The following FIGNL2 variants were observed in gnomAD, a reference collection of about 807,000 sequenced individuals.
FIGNL2 encodes fidgetin like 2, also known as fidgetin-like protein 2.
For synonymous variants in FIGNL2, 565 were observed against 484.0 expected, an observed-to-expected ratio of 1.17 and a Z score of -2.20; for missense variants, 1,060 against 950.2, an observed-to-expected ratio of 1.12 and a Z score of -1.52.
At chr12:51,827,388 T>C (rs1939366824) in intron 1 of FIGNL2, among the ~76,000 whole-genome samples, 1 of 151,766 alleles carries the variant, frequency 6.6e-6, no homozygotes, top group Admixed American at 6.6e-5. Context: ...CCATTTCTAT[T>C]TGTTTTTTTT....
At position 51,821,955 on chromosome 12, in the gene FIGNL2, C is replaced by G. The variant is rs1445295340; in HGVS notation, c.459G>C (p.Ser153=). The change falls in exon 2 of 2, where the codon TCG becomes TCC. Residue 153 remains serine (S), a synonymous_variant. Coordinates refer to ENST00000618634, the MANE Select transcript of FIGNL2 (RefSeq NM_001384995.1). ...AGCCGGCCGCGTACTCGGGCGCCGCCGATGGGCCCCCGCACGCATTGCCGG... is the reference window on the plus strand; with the variant it reads ...AGCCGGCCGCGTACTCGGGCGCCGCGGATGGGCCCCCGCACGCATTGCCGG... ...LYAGNACGGP[S]AAPEYAAGYG... 6.5e-7 allele frequency: 1 copy of G among 1,532,010 alleles called. No homozygotes were observed. Among genetic ancestry groups the G allele is most frequent in the East Asian group, 2.5e-5 (1 of 39,788 alleles). The allele number at this position is 1,532,010 out of a possible 1,614,324, so 94.9% of individuals were successfully genotyped here.
At chr12:51,830,804 C>A (rs1276020681) in intron 1 of FIGNL2, among the ~76,000 whole-genome samples, 1 of 151,328 alleles carries the variant, frequency 6.6e-6, no homozygotes, top group Non-Finnish European at 1.5e-5. Flanking sequence ...CTCTTTTTTT[C>A]TTGAGACAGA....
At chr12:51,839,106 G>A (rs1269464312) in intron 1 of FIGNL2, among the ~76,000 whole-genome samples, 1 of 128,486 alleles carries the variant, frequency 7.8e-6, no homozygotes, top group Non-Finnish European at 1.6e-5. Context: ...TGCCAGGCAA[G>A]TCTCATACTC....
rs1190983636 is a variant in FIGNL2, at chr12:51,834,018, C to CGGAT, written c.-11-11598_-11-11595dup. 4.8e-3 allele frequency among the ~76,000 whole-genome samples: 485 copies of CGGAT among 100,130 alleles called. 8 individuals are homozygous for CGGAT. The highest frequency in any genetic ancestry group is 0.015 in the African/African-American group (445 of 29,458). 65.7% of individuals were successfully genotyped at this position (100,130 alleles called of 152,430 possible). A position where few individuals can be genotyped will look rare whatever the true frequency, so the allele number is the denominator to read the frequency against. Reference sequence around the variant, plus strand: ...ATGGATGAATGGACAGACAAATGGACGGATGGATGGATGGATGGATGGATG... The same window carrying CGGAT: ...ATGGATGAATGGACAGACAAATGGACGGATGGATGGATGGATGGATGGATGGATG... On this transcript the variant is annotated intron_variant, in intron 1 of 1. Coordinates refer to ENST00000618634, the MANE Select transcript of FIGNL2 (RefSeq NM_001384995.1).
chr12:51,825,515 C>T (rs1392037636), intron 1 of FIGNL2, among the ~76,000 whole-genome samples: 1 of 152,208 alleles, frequency 6.6e-6, no homozygotes, highest in Admixed American at 6.5e-5. Flanking sequence ...AAGCCACCTC[C>T]AGTCCTCCAC....
chr12:51,845,470 C>A (rs1050731728), intron 1 of FIGNL2: 133 of 982,092 alleles, frequency 1.4e-4, no homozygotes, highest in Non-Finnish European at 1.5e-4. Context: ...GCCCCCCCCC[C>A]ACAGTCTCTG....
At chr12:51,847,592 G>C (rs957341042) in intron 1 of FIGNL2, 2 of 985,150 alleles carry the variant, frequency 2.0e-6, no homozygotes, top group African/African-American at 1.7e-5. Flanking sequence ...CCTGCGCTCC[G>C]GGCCGCCGCT....
intron 1 of FIGNL2, chr12:51,845,778 G>T (rs896205787): frequency 8.7e-6 from 4 of 460,030 alleles, no homozygotes; most frequent in African/African-American, 6.4e-5. Flanking sequence ...CGGAGCTTGG[G>T]GGGAGAGTCG....
chr12:51,832,268 T>C (rs1592191391), intron 1 of FIGNL2, among the ~76,000 whole-genome samples: 1 of 152,048 alleles, frequency 6.6e-6, no homozygotes, highest in Admixed American at 6.6e-5. Context: ...CCACCTGCCT[T>C]AGCCTCCCAA....
intron 1 of FIGNL2, among the ~76,000 whole-genome samples, chr12:51,830,416 C>T (rs528475280): frequency 1.7e-4 from 25 of 151,390 alleles, no homozygotes; most frequent in African/African-American, 3.9e-4. Flanking sequence ...GTACATATTT[C>T]GAAACACCAT....
chr12:51,821,915 G>T lies in FIGNL2; in HGVS notation c.499C>A (p.Leu167Met). The change falls in exon 2 of 2, where the codon CTG (leucine) becomes ATG (methionine). Residue 167 changes from leucine to methionine, a missense_variant. By Grantham distance (15) the Leu-to-Met change is conservative. Coordinates refer to ENST00000618634, the MANE Select transcript of FIGNL2 (RefSeq NM_001384995.1). ...GTCTGCGCGCAGTAACCCGGCGCCAGGTACCCCCCGCCGTAGCCGGCCGCG... is the reference window on the plus strand; with the variant it reads ...GTCTGCGCGCAGTAACCCGGCGCCATGTACCCCCCGCCGTAGCCGGCCGCG... ...EYAAGYGGGY[L>M]APGYCAQTGA... 2 of 1,485,194 alleles carry T rather than the reference G, an allele frequency of 1.3e-6. No individual in the cohort carries two copies. Among genetic ancestry groups the T allele is most frequent in the Non-Finnish European group, 1.8e-6 (2 of 1,121,460 alleles). 92.0% of individuals were successfully genotyped at this position (1,485,194 alleles called of 1,614,324 possible).
Position 51,822,094 on chromosome 12 carries a change from G to T in FIGNL2, c.320C>A (p.Pro107His). ...EPWPGPEPPY[P>H]LASLHEGLPG... Reference sequence around the variant, plus strand: ...GAGGCCTTCGTGGAGTGAGGCCAAGGGGTAGGGTGGCTCCGGCCCTGGCCA... The same window carrying T: ...GAGGCCTTCGTGGAGTGAGGCCAAGTGGTAGGGTGGCTCCGGCCCTGGCCA... Residue 107 changes from proline to histidine, a missense_variant, in exon 2 of 2, where the codon CCC becomes CAC. Pro to His is a moderately conservative substitution (Grantham distance 77, BLOSUM62 -2). Coordinates refer to ENST00000618634, the MANE Select transcript of FIGNL2 (RefSeq NM_001384995.1). 1 of 1,611,446 alleles carries T rather than the reference G, an allele frequency of 6.2e-7. No homozygotes were observed. Among genetic ancestry groups the T allele is most frequent in the Non-Finnish European group, 8.5e-7 (1 of 1,178,926 alleles).
chr12:51,829,857 AAAG>A (rs1939419165), intron 1 of FIGNL2, among the ~76,000 whole-genome samples: 1 of 152,122 alleles, frequency 6.6e-6, no homozygotes, highest in South Asian at 2.1e-4. Context: ...GAAAGGAAAA[AAAG>A]GAATGAAAGA....
rs932147076 is a variant in FIGNL2 at position 51,845,469 on chromosome 12, C to T, written c.-12+3071G>A. On this transcript the variant is annotated intron_variant, in intron 1 of 1. Transcript: ENST00000618634. ...CCTCTTGTGGCTCACCGCCCCCCCC[C>T]CACAGTCTCTGTCCCCTGAAGGGGG... 29 of 985,392 alleles carry T rather than the reference C, an allele frequency of 2.9e-5. No homozygotes were observed. In the African/African-American group the frequency reaches 4.4e-4, roughly 15 times the overall value. 61.0% of individuals were successfully genotyped at this position (985,392 alleles called of 1,614,324 possible). A position where few individuals can be genotyped will look rare whatever the true frequency, so the allele number is the denominator to read the frequency against.
rs1243528593 is a variant in FIGNL2, at chr12:51,820,137, G to A, written c.*315C>T. 5 of 376,570 alleles carry A rather than the reference G, an allele frequency of 1.3e-5. No individual in the cohort carries two copies. The highest frequency in any genetic ancestry group is 6.6e-5 in the African/African-American group (3 of 45,752). 23.3% of individuals were successfully genotyped at this position (376,570 alleles called of 1,614,324 possible). On this transcript the variant is annotated 3_prime_UTR_variant, in exon 2 of 2. Coordinates refer to ENST00000618634, the MANE Select transcript of FIGNL2 (RefSeq NM_001384995.1). ...ATAGCGAGGAGACAAAAGCGTTGTGGCAAGAGAGCAGGAGTTCTTAAGGCC... is the reference window on the plus strand; with the variant it reads ...ATAGCGAGGAGACAAAAGCGTTGTGACAAGAGAGCAGGAGTTCTTAAGGCC...
intron 1 of FIGNL2, among the ~76,000 whole-genome samples, chr12:51,845,927 G>T (rs1939741729): frequency 6.7e-6 from 1 of 149,454 alleles, no homozygotes; most frequent in Admixed American, 6.6e-5. Flanking sequence ...GTCCTCCCCG[G>T]ACTTGGGGGG....
rs1279657563 is a variant in FIGNL2, at chr12:51,820,957, G to A, written c.1457C>T (p.Ser486Phe). 10 of 1,236,782 alleles carry A rather than the reference G, an allele frequency of 8.1e-6. No individual in the cohort carries two copies. Among genetic ancestry groups the A allele is most frequent in the East Asian group, 3.4e-5 (1 of 29,778 alleles). 76.6% of individuals were successfully genotyped at this position (1,236,782 alleles called of 1,614,324 possible). The change falls in exon 2 of 2, where the codon TCC becomes TTC. Residue 486 changes from serine (S) to phenylalanine (F), a missense_variant. Transcript: ENST00000618634. ...CTCTAGCTCGCTGATGAGGAGTACG[G>A]AGGGTGGGCGGCAGCGCGCGGCCGC... is the stretch of plus-strand genomic sequence containing the variant. ...AFAAARCRPP[S>F]VLLISELEAL... is the part of the protein sequence containing the mutation.
At chr12:51,839,825 G>A (rs1939632228) in intron 1 of FIGNL2, among the ~76,000 whole-genome samples, 1 of 152,160 alleles carries the variant, frequency 6.6e-6, no homozygotes, top group South Asian at 2.1e-4. Flanking sequence ...TGGTACAAGT[G>A]GCTCTCTAGC....
rs560915295 is a variant in FIGNL2, at chr12:51,843,224, G to A, written c.-12+5316C>T. Reference sequence around the variant, plus strand: ...CCTTGCACAGTACTGGACACAGTGCGTAGGTGCTCAACACAGGTTTGTTAA... The same window carrying A: ...CCTTGCACAGTACTGGACACAGTGCATAGGTGCTCAACACAGGTTTGTTAA... On this transcript the variant is annotated intron_variant, in intron 1 of 1. Coordinates refer to ENST00000618634, the MANE Select transcript of FIGNL2 (RefSeq NM_001384995.1). 2.0e-5 allele frequency among the ~76,000 whole-genome samples: 3 copies of A among 152,318 alleles called. No homozygotes were observed. In the East Asian group the frequency reaches 5.8e-4, roughly 29 times the overall value.
Sources: gnomAD v4.1 joint callset for allele counts (sites outside exome capture counted in the v4.1 genomes callset) on GRCh38, gnomAD v4.1.1 for gene constraint, MANE v1.5 for transcripts, NCBI Gene and HGNC (gene_info 2026-07-23, HGNC 2026-07-21) for gene names.